HEPHL1: variants seen among roughly 807,000 people sequenced by gnomAD.
HEPHL1 encodes hephaestin like 1.
Under a neutral mutation model 122.0 loss-of-function variants are expected in HEPHL1, and 123 were observed. The observed-to-expected ratio is 1.01, with a 90% CI of 0.87 to 1.17. HEPHL1 has a LOEUF of 1.17. Among genes scored for constraint, HEPHL1 ranks in the 50% most tolerant of loss-of-function variants. HEPHL1 has a pLI of 0.00. For missense variants in HEPHL1, 1,452 were observed against 1,430.5 expected, an observed-to-expected ratio of 1.01 and a Z score of -0.24; for synonymous variants, 527 against 508.9, an observed-to-expected ratio of 1.04 and a Z score of -0.48.
intron 13 of HEPHL1, among the ~76,000 whole-genome samples, chr11:94,095,456 T>A (rs1946303529): frequency 6.6e-6 from 1 of 152,194 alleles, no homozygotes; most frequent in Non-Finnish European, 1.5e-5. Context: ...TCTTTTGGCT[T>A]AGGATTGACT....
intron 2 of HEPHL1, among the ~76,000 whole-genome samples, chr11:94,054,706 T>C (rs1945921053): frequency 6.6e-6 from 1 of 152,200 alleles, no homozygotes. Flanking sequence ...TCACACACAT[T>C]GCCCTACCTT....
At chr11:94,048,271 G>GC (rs1945858380) in intron 2 of HEPHL1, among the ~76,000 whole-genome samples, 1 of 152,072 alleles carries the variant, frequency 6.6e-6, no homozygotes, top group Non-Finnish European at 1.5e-5. Context: ...CTTGGCTATT[G>GC]TGAATAATAC....
At position 94,073,456 on chromosome 11, in the gene HEPHL1, G is replaced by A; in HGVS notation, c.1504+17G>A. On this transcript the variant is annotated intron_variant, in intron 8 of 19. Coordinates refer to ENST00000315765, the MANE Select transcript of HEPHL1 (RefSeq NM_001098672.2). ...ACCTAGATGGTAAGTCTCACTCTGG[G>A]CTTAGGGAGGAAACAGGACGGGTGA... 1 of 1,551,454 alleles carries A rather than the reference G, an allele frequency of 6.4e-7. No individual in the cohort carries two copies. The highest frequency in any genetic ancestry group is 1.2e-5 in the South Asian group (1 of 84,020).
chr11:94,083,038 A>G (rs941996156), intron 10 of HEPHL1, among the ~76,000 whole-genome samples: 7 of 151,760 alleles, frequency 4.6e-5, no homozygotes, highest in Non-Finnish European at 1.0e-4. Context: ...CAGTGAGCCA[A>G]GTTCGTGCCA....
chr11:94,043,543 C>T (rs191840643), intron 1 of HEPHL1, among the ~76,000 whole-genome samples: 52 of 152,194 alleles, frequency 3.4e-4, no homozygotes, highest in Admixed American at 2.0e-3. Context: ...GAGGCACTTG[C>T]TCCATTAGTG....
In HEPHL1 at chr11:94,034,258, G is replaced by A. The variant is rs78079280; in HGVS notation, c.171-11415G>A. ...AGTGATTCTTCTACCTTCTAAGGTG[G>A]TTCCCATCTTCTGCTCCATGCGGGA... is the stretch of plus-strand genomic sequence containing the variant. On this transcript the variant is annotated intron_variant, in intron 1 of 19. Transcript: ENST00000315765. 5.3e-3 allele frequency among the ~76,000 whole-genome samples: 811 copies of A among 152,276 alleles called. 8 individuals are homozygous for A. Among genetic ancestry groups the A allele is most frequent in the African/African-American group, 0.019 (778 of 41,538 alleles).
chr11:94,111,626 T>A (rs777116194), intron 19 of HEPHL1, 21 bp downstream of exon 19: 7 of 1,608,240 alleles, frequency 4.4e-6, no homozygotes. Flanking sequence ...CCTCTCCCCA[T>A]GTAAATGAGT....
intron 10 of HEPHL1, among the ~76,000 whole-genome samples, chr11:94,083,196 A>T (rs956751787): frequency 3.3e-5 from 5 of 152,270 alleles, no homozygotes; most frequent in African/African-American, 1.2e-4. Flanking sequence ...TCTGAAAACC[A>T]AAGTGACAAT....
chr11:94,031,244 G>A (rs1166025797), intron 1 of HEPHL1, among the ~76,000 whole-genome samples: 1 of 151,578 alleles, frequency 6.6e-6, no homozygotes, highest in Admixed American at 6.6e-5. Flanking sequence ...CCCACCTGTG[G>A]CTTCAGTCTC....
intron 2 of HEPHL1, among the ~76,000 whole-genome samples, chr11:94,059,969 C>T (rs2460042): frequency 0.36 from 53,793 of 151,488 alleles, 10,314 homozygotes; most frequent in Admixed American, 0.45. Flanking sequence ...CCCACTCTCA[C>T]TCAACTCCTG....
chr11:94,083,398 T>A (rs565422898), intron 10 of HEPHL1, among the ~76,000 whole-genome samples: 70 of 152,304 alleles, frequency 4.6e-4, no homozygotes, highest in Non-Finnish European at 7.9e-4. Context: ...GCAAACCACC[T>A]GCTAATTGCT....
intron 11 of HEPHL1, among the ~76,000 whole-genome samples, chr11:94,087,323 G>T (rs1327438823): frequency 6.6e-6 from 1 of 152,092 alleles, no homozygotes; most frequent in Non-Finnish European, 1.5e-5. Context: ...TAGAAATGGA[G>T]CTACTTATTC....
intron 2 of HEPHL1, among the ~76,000 whole-genome samples, chr11:94,059,452 C>T (rs942461072): frequency 6.6e-6 from 1 of 152,114 alleles, no homozygotes; most frequent in Non-Finnish European, 1.5e-5. Context: ...TTACTCTCTG[C>T]CATTTGTTTA....
At chr11:94,100,050 A>G (rs1946355285) in intron 13 of HEPHL1, among the ~76,000 whole-genome samples, 1 of 152,096 alleles carries the variant, frequency 6.6e-6, no homozygotes, top group Non-Finnish European at 1.5e-5. Context: ...CCGCAGTGAG[A>G]TGAACCCGGT....
In HEPHL1 at chr11:94,111,839, A is replaced by C; in HGVS notation, c.3425A>C (p.Lys1142Thr). 6.5e-7 allele frequency: 1 copy of C among 1,536,974 alleles called. No homozygotes were observed. ...ILSLRLCSAM[K>T]QTDYQQVQSC... is the part of the protein sequence containing the mutation. The stretch of plus-strand genomic sequence containing the variant: ...TCCCTCAGACTCTGCTCTGCAATGA[A>C]GCAGACAGATTACCAGCAAGTCCAG... The change falls in exon 20 of 20, where the codon AAG becomes ACG. Residue 1142 changes from lysine to threonine, a missense_variant. Coordinates refer to ENST00000315765, the MANE Select transcript of HEPHL1 (RefSeq NM_001098672.2).
intron 13 of HEPHL1, 107 bp from the exon 14 acceptor site, chr11:94,101,088 A>G: frequency 7.8e-7 from 1 of 1,276,590 alleles, no homozygotes; most frequent in Non-Finnish European, 1.1e-6. Context: ...TCTCGGAAAA[A>G]CAACTAAAGC....
chr11:94,086,345 A>C (rs1946218315), intron 11 of HEPHL1, among the ~76,000 whole-genome samples, 156 bp downstream of exon 11: 1 of 152,240 alleles, frequency 6.6e-6, no homozygotes, highest in Admixed American at 6.5e-5. Context: ...CTGACTTATT[A>C]GTCCAAACAC....
chr11:94,046,908 A>G (rs1317837512), intron 2 of HEPHL1, among the ~76,000 whole-genome samples: 2 of 152,202 alleles, frequency 1.3e-5, no homozygotes, highest in Non-Finnish European at 1.5e-5. Context: ...GTGCCAGCAC[A>G]GTGCCATTAA....
intron 1 of HEPHL1, among the ~76,000 whole-genome samples, chr11:94,022,385 T>G (rs1945589320): frequency 6.6e-6 from 1 of 152,226 alleles, no homozygotes; most frequent in African/African-American, 2.4e-5. Flanking sequence ...AATGCTTGCT[T>G]CTTTTCTGAC....
Sources: gnomAD v4.1 joint callset for allele counts (sites outside exome capture counted in the v4.1 genomes callset) on GRCh38, gnomAD v4.1.1 for gene constraint, MANE v1.5 for transcripts, NCBI Gene and HGNC (gene_info 2026-07-23, HGNC 2026-07-21) for gene names.